ADARB1: variants seen among roughly 807,000 people sequenced by gnomAD.
ADARB1 encodes adenosine deaminase RNA specific B1.
A neutral mutation model predicts 52.4 loss-of-function variants in ADARB1; 10 were observed. The observed-to-expected ratio is 0.19, with a 90% confidence interval of 0.12 to 0.32. The LOEUF is 0.32. Ranked by LOEUF, ADARB1 falls within the 10% of genes least tolerant of loss-of-function variation. ADARB1 has a pLI of 1.00. For missense variants in ADARB1, 643 were observed against 922.3 expected, an observed-to-expected ratio of 0.70 and a Z score of 3.92; for synonymous variants, 349 against 371.1, an observed-to-expected ratio of 0.94 and a Z score of 0.68.
At chr21:45,214,343 T>G (rs1180087400) in intron 9 of ADARB1, among the ~76,000 whole-genome samples, 2 of 152,216 alleles carry the variant, frequency 1.3e-5, no homozygotes, top group African/African-American at 2.4e-5. Flanking sequence ...GTCTTTTAAT[T>G]CTCTTCATAG....
At position 45,225,660 on chromosome 21, in the gene ADARB1, A is replaced by G; in HGVS notation, c.*3463A>G. 1.3e-5 allele frequency: 13 copies of G among 1,025,872 alleles called. 1 individual carries two copies. Among genetic ancestry groups the G allele is most frequent in the Non-Finnish European group, 1.7e-5 (13 of 762,222 alleles). The allele number at this position is 1,025,872 out of a possible 1,614,324, so 63.5% of individuals were successfully genotyped here. A position where few individuals can be genotyped will look rare whatever the true frequency, so the allele number is the denominator to read the frequency against. The stretch of plus-strand genomic sequence containing the variant: ...CCTGCCCATGTCTCAAAACAAACAC[A>G]TGTACAGTGGCTCTTTTTCCTTCTC... On this transcript the variant is annotated 3_prime_UTR_variant, in exon 11 of 11. Transcript: ENST00000348831.
chr21:45,083,578 C>G (rs560742455), intron 1 of ADARB1, among the ~76,000 whole-genome samples: 3 of 152,204 alleles, frequency 2.0e-5, no homozygotes, highest in Non-Finnish European at 4.4e-5. Context: ...ATACTTATAA[C>G]TACATCTTGA....
At chr21:45,190,122 G>A (rs900901339) in intron 8 of ADARB1, among the ~76,000 whole-genome samples, 15 of 151,804 alleles carry the variant, frequency 9.9e-5, no homozygotes, top group East Asian at 1.9e-4. Context: ...CCTTAGTCTC[G>A]CTTCACTTTT....
At position 45,167,787 on chromosome 21, in the gene ADARB1, A is replaced by G. The variant is rs151271120; in HGVS notation, c.-47-3823A>G. ...TTTTATTTTGAGATAATATAGATTCACATGTAGTTGTAAGAAGTAATACTT... is the reference window on the plus strand; with the variant it reads ...TTTTATTTTGAGATAATATAGATTCGCATGTAGTTGTAAGAAGTAATACTT... On this transcript the variant is annotated intron_variant, in intron 2 of 10. Transcript: ENST00000348831. 3.4e-3 allele frequency among the ~76,000 whole-genome samples: 511 copies of G among 152,328 alleles called. 3 individuals carry two copies. The highest frequency in any genetic ancestry group is 0.011 in the African/African-American group (467 of 41,566).
chr21:45,150,336 A>G (rs1308797301), intron 2 of ADARB1, among the ~76,000 whole-genome samples: 1 of 152,242 alleles, frequency 6.6e-6, no homozygotes, highest in Non-Finnish European at 1.5e-5. Context: ...ATATCTTTCT[A>G]TCAAAAATTT....
chr21:45,129,626 C>T (rs1325609910), intron 2 of ADARB1, among the ~76,000 whole-genome samples: 1 of 152,226 alleles, frequency 6.6e-6, no homozygotes, highest in Admixed American at 6.5e-5. Context: ...CAGCCGTGCT[C>T]CCGCCTGGGA....
intron 2 of ADARB1, among the ~76,000 whole-genome samples, chr21:45,147,825 C>T (rs1177188079): frequency 6.6e-6 from 1 of 152,204 alleles, no homozygotes; most frequent in African/African-American, 2.4e-5. Flanking sequence ...CCCCCGGCAC[C>T]TCTCTCTGTT....
intron 2 of ADARB1, among the ~76,000 whole-genome samples, chr21:45,155,341 G>C (rs1352678469): frequency 6.6e-6 from 1 of 152,130 alleles, no homozygotes; most frequent in Non-Finnish European, 1.5e-5. Flanking sequence ...GAGCCAGTTG[G>C]CCAAGGGGAG....
At chr21:45,141,218 CTGTGTAGTCTTTG>C (rs1321102616) in intron 2 of ADARB1, among the ~76,000 whole-genome samples, 1 of 152,076 alleles carries the variant, frequency 6.6e-6, no homozygotes, top group East Asian at 1.9e-4. Flanking sequence ...TGTGACTTTG[CTGTGTAGTCTTTG>C]TGTAACATAA....
intron 1 of ADARB1, among the ~76,000 whole-genome samples, chr21:45,114,811 CCTT>C (rs536502515): frequency 1.2e-3 from 177 of 152,344 alleles, no homozygotes; most frequent in African/African-American, 4.0e-3. Flanking sequence ...CTGTTACTAA[CCTT>C]CTCCTGCCAG....
chr21:45,083,293 G>C (rs566824188), intron 1 of ADARB1, among the ~76,000 whole-genome samples: 36 of 152,176 alleles, frequency 2.4e-4, no homozygotes, highest in African/African-American at 7.9e-4. Context: ...TGCTTTTGCT[G>C]CCTCCCTACA....
chr21:45,164,538 G>A (rs553434630), intron 2 of ADARB1, among the ~76,000 whole-genome samples: 7 of 151,760 alleles, frequency 4.6e-5, no homozygotes, highest in East Asian at 2.0e-4. Context: ...GAGAGGGAGC[G>A]GGGCGGTGGG....
chr21:45,161,985 C>A (rs2090996216), intron 2 of ADARB1, among the ~76,000 whole-genome samples: 1 of 152,210 alleles, frequency 6.6e-6, no homozygotes, highest in Non-Finnish European at 1.5e-5. Context: ...CTTGTCCACG[C>A]ACCTCATTCT....
Position 45,222,526 on chromosome 21 carries a change from G to A in ADARB1, c.*329G>A. On this transcript the variant is annotated 3_prime_UTR_variant, in exon 11 of 11. Transcript: ENST00000348831. Reference sequence around the variant, plus strand: ...GTTCTACTGAGTAGGGCTTCCTTAAGTTTAGGAAAATAGAAATTACTTTGT... The same window carrying A: ...GTTCTACTGAGTAGGGCTTCCTTAAATTTAGGAAAATAGAAATTACTTTGT... 9.0e-7 allele frequency: 1 copy of A among 1,115,486 alleles called. No individual in the cohort carries two copies. Among genetic ancestry groups the A allele is most frequent in the Non-Finnish European group, 1.1e-6 (1 of 913,848 alleles). 69.1% of individuals were successfully genotyped at this position (1,115,486 alleles called of 1,614,324 possible).
intron 1 of ADARB1, among the ~76,000 whole-genome samples, chr21:45,099,901 T>G (rs1379749634): frequency 6.6e-6 from 1 of 152,128 alleles, no homozygotes; most frequent in African/African-American, 2.4e-5. Flanking sequence ...GGTGGTGGTG[T>G]TGGGGTTACT....
At chr21:45,121,452 G>A (rs1387276555) in intron 1 of ADARB1, among the ~76,000 whole-genome samples, 1 of 152,104 alleles carries the variant, frequency 6.6e-6, no homozygotes, top group Non-Finnish European at 1.5e-5. Context: ...CTGGGCATCC[G>A]CTCTCAGCCT....
chr21:45,164,697 C>T (rs2091168453), intron 2 of ADARB1, among the ~76,000 whole-genome samples: 1 of 152,120 alleles, frequency 6.6e-6, no homozygotes, highest in Non-Finnish European at 1.5e-5. Flanking sequence ...ACGATGAGCA[C>T]ATGGGCATGT....
chr21:45,089,037 C>T (rs1050008262), intron 1 of ADARB1, among the ~76,000 whole-genome samples: 5 of 152,200 alleles, frequency 3.3e-5, no homozygotes, highest in Admixed American at 1.3e-4. Context: ...TAACTGTGGC[C>T]TGTGATTCTG....
At chr21:45,167,326 T>C (rs2091292829) in intron 2 of ADARB1, among the ~76,000 whole-genome samples, 1 of 152,250 alleles carries the variant, frequency 6.6e-6, no homozygotes, top group Non-Finnish European at 1.5e-5. Context: ...TTTATTGTTG[T>C]TGTAAAGTTT....
Sources: allele counts gnomAD v4.1 joint callset (sites outside exome capture counted in the v4.1 genomes callset), GRCh38; gene constraint gnomAD v4.1.1; transcripts MANE v1.5; gene names NCBI Gene and HGNC (gene_info 2026-07-23, HGNC 2026-07-21).